The following EZR variants were observed in gnomAD, a reference collection of about 807,000 sequenced individuals.
The protein encoded by EZR is cytovillin 2.
Under a neutral mutation model 74.8 loss-of-function variants are expected in EZR, and 40 were observed. The ratio of observed to expected loss-of-function variants is 0.53; its 90% CI spans 0.42 to 0.70. The LOEUF is 0.70. Among genes scored for constraint, EZR ranks in the 30% least tolerant of loss-of-function variants. The probability of loss-of-function intolerance (pLI) is 0.00; values close to 1 mark genes in which losing one functional copy is unlikely to be tolerated. For synonymous variants in EZR, 341 were observed against 283.3 expected (o/e 1.20, Z -2.05); for missense variants, 678 against 755.8 (o/e 0.90, Z 1.21).
At chr6:158,815,933 C>T (rs1777543876) in intron 2 of EZR, among the ~76,000 whole-genome samples, 2 of 152,182 alleles carry the variant, frequency 1.3e-5, no homozygotes, top group Admixed American at 1.3e-4. Context: ...CTTTTAAGTT[C>T]TGATCTATCA....
chr6:158,808,672 G>C (rs1226624170), intron 2 of EZR, among the ~76,000 whole-genome samples: 1 of 152,204 alleles, frequency 6.6e-6, no homozygotes, highest in Non-Finnish European at 1.5e-5. Context: ...GCAGGATCTT[G>C]TTTACAGATG....
At position 158,785,357 on chromosome 6, in the gene EZR, T is replaced by G. The variant is rs771786406; in HGVS notation, c.419A>C (p.Glu140Ala). ...GCTGAGGTACCCAGACTTGTGCACT[T>G]CTTTGTTGTAGTCCCCAAACTTGGC... Reference protein sequence around the residue: ...VQAKFGDYNKEVHKSGYLSSE... With the variant: ...VQAKFGDYNKAVHKSGYLSSE... The change falls in exon 5 of 14, where the codon GAA (glutamate) becomes GCA (alanine). Residue 140 changes from glutamate to alanine, a missense_variant. Glu to Ala is a moderately radical substitution (Grantham distance 107). Around this residue, in one of 3 missense-constraint regions of EZR, gnomAD observed 217 missense variants for 232.2 expected, o/e 0.93. Transcript: ENST00000367075. 1 of 1,614,220 alleles carries G rather than the reference T, an allele frequency of 6.2e-7. No homozygotes were observed. Among genetic ancestry groups the G allele is most frequent in the African/African-American group, 1.3e-5 (1 of 75,052 alleles).
chr6:158,767,214 C>A, intron 13 of EZR, 47 bp downstream of exon 13: 1 of 1,588,356 alleles, frequency 6.3e-7, no homozygotes, highest in South Asian at 1.1e-5. Flanking sequence ...CCTGTCTGCT[C>A]CAAAAGCGAG....
In EZR at chr6:158,816,042, G is replaced by C. The variant is rs116174948; in HGVS notation, c.12+2040C>G. ...CATTGCAACATGGATGAACCTTGAA[G>C]ACATTATGCTACAGGAAATGAGACT... is the stretch of plus-strand genomic sequence containing the variant. On this transcript the variant is annotated intron_variant, in intron 2 of 13. Transcript: ENST00000367075. Among the ~76,000 whole-genome samples, 660 of 152,336 alleles carry C rather than the reference G, an allele frequency of 4.3e-3. 6 individuals carry two copies. Among genetic ancestry groups the C allele is most frequent in the African/African-American group, 0.015 (643 of 41,588 alleles).
At chr6:158,776,102 T>C (rs1791270996) in intron 8 of EZR, among the ~76,000 whole-genome samples, 1 of 152,216 alleles carries the variant, frequency 6.6e-6, no homozygotes, top group Admixed American at 6.5e-5. Context: ...GGAGAGTCCC[T>C]GCACCCAGGT....
intron 11 of EZR, 105 bp from the exon 12 acceptor site, chr6:158,769,523 C>T (rs1791028915): frequency 6.7e-6 from 8 of 1,189,690 alleles, no homozygotes; most frequent in Middle Eastern, 1.9e-4. Context: ...CAACGTGACA[C>T]CTGAGTCCCC....
At chr6:158,779,766 T>A (rs949130269) in intron 7 of EZR, among the ~76,000 whole-genome samples, 2 of 152,084 alleles carry the variant, frequency 1.3e-5, no homozygotes, top group Admixed American at 1.3e-4. Flanking sequence ...GGTTTTGCCA[T>A]GTTGGCAAAG....
chr6:158,817,994 C>A (rs1292473067), intron 2 of EZR, 88 bp downstream of exon 2: 1 of 1,360,508 alleles, frequency 7.4e-7, no homozygotes, highest in Non-Finnish European at 1.0e-6. Context: ...CCCTGTTCCC[C>A]AGGAACTGCC....
intron 2 of EZR, among the ~76,000 whole-genome samples, chr6:158,816,106 T>C (rs1018632511): frequency 6.6e-6 from 1 of 152,206 alleles, no homozygotes; most frequent in Non-Finnish European, 1.5e-5. Context: ...TCCACCTGCA[T>C]GAGGTATCTA....
At chr6:158,767,115 C>G (rs749690493) in intron 13 of EZR, 37 bp from the exon 14 acceptor site, 4 of 1,610,986 alleles carry the variant, frequency 2.5e-6, no homozygotes, top group Non-Finnish European at 3.4e-6. Flanking sequence ...GTCCCTTCCT[C>G]CCCATATGGC....
chr6:158,817,498 G>C (rs1010343729), intron 2 of EZR, among the ~76,000 whole-genome samples: 1 of 152,226 alleles, frequency 6.6e-6, no homozygotes, highest in Non-Finnish European at 1.5e-5. Flanking sequence ...TCAAGTCCAT[G>C]GCTAACCTTC....
At chr6:158,770,657 G>C (rs1051987344) in intron 10 of EZR, 107 bp downstream of exon 10, 11 of 1,305,946 alleles carry the variant, frequency 8.4e-6, no homozygotes, top group Non-Finnish European at 1.2e-5. Flanking sequence ...TGCGCTGTGG[G>C]ACACGTTCTT....
chr6:158,799,290 G>A (rs1777142433), intron 2 of EZR, among the ~76,000 whole-genome samples: 1 of 152,148 alleles, frequency 6.6e-6, no homozygotes, highest in Non-Finnish European at 1.5e-5. Flanking sequence ...GGTTGGGAGG[G>A]GCCTACATTT....
At position 158,818,068 on chromosome 6, in the gene EZR, AC is replaced by A; in HGVS notation, c.12+13del. The A allele has an allele frequency of 6.2e-7, 1 of 1,608,406 alleles. No homozygotes were observed. On this transcript the variant is annotated intron_variant, in intron 2 of 13. Coordinates refer to ENST00000367075, the MANE Select transcript of EZR (RefSeq NM_001111077.2). ...CCTCTCCCGTCCGCCCGGCCCAGAA[AC>A]TGGGCAACTTACTGGTTTCGGCATT...
At chr6:158,819,184 G>C (rs1777636002) in intron 1 of EZR, 133 bp downstream of exon 1, 1 of 151,656 alleles carries the variant, frequency 6.6e-6, no homozygotes, top group Non-Finnish European at 1.5e-5. Context: ...GGGGGTGCCG[G>C]GCGAGAACCC....
rs780370912 is a variant in EZR, at chr6:158,787,156, G to C, written c.144C>G (p.His48Gln). ...TAGGAAATCCTTTATTATCCACATA[G>C]TGGAGGCCAAAGTACCACACTTCCC... ...GLREVWYFGL[H>Q]YVDNKGFPTW... The change falls in exon 4 of 14, where the codon CAC becomes CAG. Residue 48 changes from histidine (H) to glutamine (Q), a missense_variant. By Grantham distance (24) the His-to-Gln change is conservative. This residue lies in a region of EZR where 217 missense variants were observed against 232.2 expected (regional missense o/e 0.93). Coordinates refer to ENST00000367075, the MANE Select transcript of EZR (RefSeq NM_001111077.2). 1.2e-6 allele frequency: 2 copies of C among 1,613,624 alleles called. No homozygotes were observed. The highest frequency in any genetic ancestry group is 2.2e-5 in the East Asian group (1 of 44,880).
intron 2 of EZR, among the ~76,000 whole-genome samples, chr6:158,805,931 G>A (rs2128575580): frequency 6.6e-6 from 1 of 152,296 alleles, no homozygotes; most frequent in East Asian, 1.9e-4. Flanking sequence ...CTACCCAGTA[G>A]ATGCCCCTTA....
Position 158,766,834 on chromosome 6 carries a change from G to C in EZR, c.*80C>G. The C allele has an allele frequency of 4.5e-6, 6 of 1,328,862 alleles. No homozygotes were observed. Among genetic ancestry groups the C allele is most frequent in the Non-Finnish European group, 6.3e-6 (6 of 955,876 alleles). 82.3% of individuals were successfully genotyped at this position (1,328,862 alleles called of 1,614,324 possible). On this transcript the variant is annotated 3_prime_UTR_variant, in exon 14 of 14. Transcript: ENST00000367075. ...GGGATCTGAGGGAGTTCCTAGACTT[G>C]GAGCACTAAAGACACAAGCGTGGCG...
intron 1 of EZR, 110 bp from the exon 2 acceptor site, chr6:158,818,276 G>C (rs546754412): frequency 6.1e-5 from 29 of 473,288 alleles, no homozygotes; most frequent in Non-Finnish European, 1.0e-4. Context: ...CGGCCAGCCC[G>C]GGCCCGGGTG....
Sources: gnomAD v4.1 joint callset for allele counts (sites outside exome capture counted in the v4.1 genomes callset) on GRCh38, gnomAD v4.1.1 for gene constraint, gnomAD v4.1.1 regional missense constraint, MANE v1.5 for transcripts, NCBI Gene and HGNC (gene_info 2026-07-23, HGNC 2026-07-21) for gene names.